The following EFCC1 variants were observed in gnomAD, a reference collection of about 807,000 sequenced individuals.
EFCC1 encodes EF-hand and coiled-coil domain containing 1.
EFCC1 carries 50 observed loss-of-function variants against 52.1 expected under a neutral mutation model. The observed-to-expected ratio is 0.96, with a 90% CI of 0.76 to 1.21. EFCC1 has a LOEUF of 1.21. Ranked by LOEUF, EFCC1 falls within the 50% of genes most tolerant of loss-of-function variation. The pLI, the probability that EFCC1 is intolerant of heterozygous loss-of-function variation, is 0.00. For synonymous variants in EFCC1, 399 were observed against 396.5 expected (o/e 1.01, Z -0.08); for missense variants, 837 against 867.3 (o/e 0.97, Z 0.44).
Position 129,010,267 on chromosome 3 carries a change from C to T in EFCC1, c.980+6190C>T, listed in dbSNP as rs564552632. 5.9e-5 allele frequency among the ~76,000 whole-genome samples: 9 copies of T among 152,354 alleles called. No homozygotes were observed. In the East Asian group the frequency reaches 1.5e-3, roughly 26 times the overall value. ...AAACCGCCCATATCTCAACCAGTTG[C>T]CTGGCCTGGCCCCCTACCCTGCTCT... On this transcript the variant is annotated intron_variant, in intron 2 of 7. Transcript: ENST00000683648. The surrounding 1 kb of genome is among the most constrained non-coding windows in gnomAD (Gnocchi z 4.3).
intron 2 of EFCC1, among the ~76,000 whole-genome samples, chr3:129,011,550 C>CAAAAAA (rs1201411639): frequency 2.5e-4 from 23 of 93,530 alleles, no homozygotes; most frequent in African/African-American, 8.3e-4. Context: ...GACTCCGTCT[C>CAAAAAA]AAAAAAAAAA....
chr3:129,005,353 C>T (rs900380), intron 2 of EFCC1, among the ~76,000 whole-genome samples: 31,881 of 152,156 alleles, frequency 0.21, 3,669 homozygotes, highest in Middle Eastern at 0.28. Context: ...TGGAACAGTA[C>T]GGGCAAAGCC....
At chr3:129,013,839 G>A (rs1178096950) in intron 2 of EFCC1, among the ~76,000 whole-genome samples, 1 of 152,226 alleles carries the variant, frequency 6.6e-6, no homozygotes, top group African/African-American at 2.4e-5. Context: ...GGCTGGATGG[G>A]GGGCTACTTG....
chr3:129,003,209 T>G, intron 1 of EFCC1: 1 of 985,258 alleles, frequency 1.0e-6, no homozygotes, highest in Non-Finnish European at 1.2e-6. Context: ...GGGAAACTAC[T>G]CCTCTGATGT....
At chr3:129,022,235 C>T (rs1435429292) in intron 2 of EFCC1, among the ~76,000 whole-genome samples, 5 of 152,170 alleles carry the variant, frequency 3.3e-5, no homozygotes, top group Non-Finnish European at 7.3e-5. Context: ...ACCGCCAGGC[C>T]CAGCTAGCAC....
At position 129,010,061 on chromosome 3, in the gene EFCC1, G is replaced by A. The variant is rs776154663; in HGVS notation, c.980+5984G>A. Among the ~76,000 whole-genome samples the A allele has an allele frequency of 1.2e-4, 19 of 152,242 alleles. No homozygotes were observed. The highest frequency in any genetic ancestry group is 2.4e-4 in the Non-Finnish European group (16 of 68,038). On this transcript the variant is annotated intron_variant, in intron 2 of 7. Transcript: ENST00000683648. The surrounding 1 kb of genome is among the most constrained non-coding windows in gnomAD (Gnocchi z 4.3). ...CACAGTAAGATGTGTGTGGACACAC[G>A]AATGGACCAGCGGGCATGGGAGTGG...
chr3:129,015,830 T>G (rs1030976121), intron 2 of EFCC1, among the ~76,000 whole-genome samples: 1 of 151,506 alleles, frequency 6.6e-6, no homozygotes, highest in Non-Finnish European at 1.5e-5. Flanking sequence ...TTTTCACATG[T>G]TGCTCTCTGT....
chr3:129,030,404 T>C (rs1483827572), intron 2 of EFCC1: 1 of 233,386 alleles, frequency 4.3e-6, no homozygotes, highest in African/African-American at 2.3e-5. Flanking sequence ...CACATGACAA[T>C]GTCTAAAGGC....
intron 1 of EFCC1, chr3:129,003,354 A>G (rs1260997513): frequency 1.1e-6 from 1 of 902,584 alleles, no homozygotes; most frequent in Non-Finnish European, 1.3e-6. Flanking sequence ...CAGTAAAGAC[A>G]GATAGAAACC....
intron 2 of EFCC1, among the ~76,000 whole-genome samples, chr3:129,016,502 G>A (rs77296720): frequency 0.072 from 10,756 of 148,552 alleles, 1,236 homozygotes; most frequent in African/African-American, 0.25. Context: ...GGGCACGCCC[G>A]TGTCTAGAGC....
chr3:129,019,047 G>A (rs1945716420), intron 2 of EFCC1, among the ~76,000 whole-genome samples: 1 of 152,228 alleles, frequency 6.6e-6, no homozygotes, highest in African/African-American at 2.4e-5. Context: ...GCAGCCTGCT[G>A]TGAGAACTGT....
rs751472647 is a variant in EFCC1, at chr3:129,001,787, C to T, written c.159C>T (p.Thr53=). The T allele has an allele frequency of 1.9e-5, 30 of 1,543,500 alleles. No individual in the cohort carries two copies. Among genetic ancestry groups the T allele is most frequent in the African/African-American group, 2.8e-5 (2 of 72,334 alleles). The change falls in exon 1 of 8, where the codon ACC becomes ACT. Residue 53 remains threonine (T), a synonymous_variant. Transcript: ENST00000683648. The part of the protein sequence containing the change: ...GVENEIVVLA[T]GLDQYLQEVF... ...AGAACGAGATCGTGGTGCTGGCCAC[C>T]GGCCTGGACCAGTACCTGCAGGAGG...
chr3:129,014,381 G>A lies in EFCC1; in HGVS notation c.980+10304G>A, dbSNP rs939575322. On this transcript the variant is annotated intron_variant, in intron 2 of 7. Coordinates refer to ENST00000683648, the MANE Select transcript of EFCC1 (RefSeq NM_001377500.1). This position sits in a 1 kb window ranked among gnomAD's most constrained non-coding sequence, Gnocchi z 4.3. ...CAGCTGTGGAGGCTGACCAGAGTGCGGTGTCGCAGCGTTGGCTTCTCCTGC... is the reference window on the plus strand; with the variant it reads ...CAGCTGTGGAGGCTGACCAGAGTGCAGTGTCGCAGCGTTGGCTTCTCCTGC... Among the ~76,000 whole-genome samples, 67 of 152,334 alleles carry A rather than the reference G, an allele frequency of 4.4e-4. 1 individual carries two copies. Among genetic ancestry groups the A allele is most frequent in the Admixed American group, 9.1e-4 (14 of 15,306 alleles).
In EFCC1 at chr3:129,001,682, C is replaced by CCCG; in HGVS notation, c.55_57dup (p.Pro19dup). 6.8e-7 allele frequency: 1 copy of CCCG among 1,479,062 alleles called. No homozygotes were observed. The highest frequency in any genetic ancestry group is 2.2e-5 in the Admixed American group (1 of 45,138). 91.6% of individuals were successfully genotyped at this position (1,479,062 alleles called of 1,614,324 possible). On this transcript the variant is annotated inframe_insertion, in exon 1 of 8. Coordinates refer to ENST00000683648, the MANE Select transcript of EFCC1 (RefSeq NM_001377500.1). ...CCGGCATGGAGGGCGCGGGAGGTGA[C>CCCG]CCGTACCGGCGACCTGCGCGGCGCA...
Position 129,017,102 on chromosome 3 carries a change from A to G in EFCC1, c.980+13025A>G, listed in dbSNP as rs569789879. Among the ~76,000 whole-genome samples, 9 of 152,356 alleles carry G rather than the reference A, an allele frequency of 5.9e-5. No individual in the cohort carries two copies. The East Asian group carries it at 1.7e-3, about 29-fold the overall frequency. The stretch of plus-strand genomic sequence containing the variant: ...TGCCATGGCCTCAGGCATCACTGCC[A>G]TATCCACGGGTCCTCCTGGCAGACT... On this transcript the variant is annotated intron_variant, in intron 2 of 7. Transcript: ENST00000683648.
chr3:129,039,887 AC>A lies in EFCC1; in HGVS notation c.*40del, dbSNP rs1435875189. On this transcript the variant is annotated 3_prime_UTR_variant, in exon 8 of 8. Transcript: ENST00000683648. ...CCCTGTGGGCACCCTGCTCAGCCTG[AC>A]TGCCTTTGGACCAGCCTCCATGATC... The A allele has an allele frequency of 6.4e-7, 1 of 1,562,294 alleles. No individual in the cohort carries two copies. Among genetic ancestry groups the A allele is most frequent in the Non-Finnish European group, 8.7e-7 (1 of 1,148,936 alleles).
rs1023119354 is a variant in EFCC1 at position 129,038,670 on chromosome 3, C to T, written c.1594-161C>T. ...AGAGTCTCTGGGAAGTGCAGTGTGG[C>T]CAGCCTAGGGGTAGGGGGCCAAGAA... On this transcript the variant is annotated intron_variant, in intron 6 of 7. Coordinates refer to ENST00000683648, the MANE Select transcript of EFCC1 (RefSeq NM_001377500.1). Among the ~76,000 whole-genome samples the T allele has an allele frequency of 1.2e-4, 19 of 152,226 alleles. 1 individual carries two copies. Among genetic ancestry groups the T allele is most frequent in the East Asian group, 5.8e-4 (3 of 5,164 alleles).
chr3:129,038,636 C>T (rs1356459333), intron 6 of EFCC1, among the ~76,000 whole-genome samples, 195 bp from the exon 7 acceptor site: 4 of 152,318 alleles, frequency 2.6e-5, no homozygotes, highest in South Asian at 2.1e-4. Context: ...CTGCCCCACT[C>T]GCCCTCCAAG....
Position 129,038,913 on chromosome 3 carries a change from C to T in EFCC1, c.1663+13C>T. 1.2e-6 allele frequency: 2 copies of T among 1,612,976 alleles called. No homozygotes were observed. Among genetic ancestry groups the T allele is most frequent in the South Asian group, 2.2e-5 (2 of 91,050 alleles). On this transcript the variant is annotated intron_variant, in intron 7 of 7. Coordinates refer to ENST00000683648, the MANE Select transcript of EFCC1 (RefSeq NM_001377500.1). ...GACCCCACCCACGGTAGGAGAGCAC[C>T]CTAGTCTCTCAGAGCCCACGCAGTG... is the stretch of plus-strand genomic sequence containing the variant.
Sources: gnomAD v4.1 joint callset for allele counts (sites outside exome capture counted in the v4.1 genomes callset) on GRCh38, gnomAD v4.1.1 for gene constraint, Gnocchi (gnomAD v3.1) non-coding constraint, MANE v1.5 for transcripts, NCBI Gene and HGNC (gene_info 2026-07-23, HGNC 2026-07-21) for gene names.